Variants in ANKRD44 observed in about 807,000 individuals in gnomAD.
The protein encoded by ANKRD44 is serine/threonine-protein phosphatase 6 regulatory ankyrin repeat subunit B.
Under a neutral mutation model 116.0 loss-of-function variants are expected in ANKRD44, and 35 were observed. The observed-to-expected ratio is 0.30, with a 90% CI of 0.23 to 0.40. The LOEUF (loss-of-function observed/expected upper bound fraction) is 0.40. Among genes scored for constraint, ANKRD44 ranks in the 10% least tolerant of loss-of-function variants. The probability of loss-of-function intolerance (pLI) is 1.00; values close to 1 mark genes in which losing one functional copy is unlikely to be tolerated. For synonymous variants in ANKRD44, 435 were observed against 461.8 expected, an observed-to-expected ratio of 0.94 and a Z score of 0.74; for missense variants, 1,014 against 1,242.6, an observed-to-expected ratio of 0.82 and a Z score of 2.77.
intron 2 of ANKRD44, among the ~76,000 whole-genome samples, chr2:197,165,277 C>G (rs1485966608): frequency 6.6e-6 from 1 of 152,194 alleles, no homozygotes; most frequent in Non-Finnish European, 1.5e-5. Flanking sequence ...TAAACATGCT[C>G]TCTAACAGGT....
At chr2:197,165,160 A>G (rs1232514496) in intron 2 of ANKRD44, among the ~76,000 whole-genome samples, 1 of 152,206 alleles carries the variant, frequency 6.6e-6, no homozygotes, top group Non-Finnish European at 1.5e-5. Flanking sequence ...TTTCCTCAAC[A>G]CGCCCCTTCT....
At chr2:197,064,263 T>C (rs2077382683) in intron 16 of ANKRD44, among the ~76,000 whole-genome samples, 1 of 152,162 alleles carries the variant, frequency 6.6e-6, no homozygotes, top group Non-Finnish European at 1.5e-5. Context: ...AGAGATTTTG[T>C]CACCACCAGG....
chr2:196,972,074 C>A (rs1158493598), intron 21 of ANKRD44, among the ~76,000 whole-genome samples: 1 of 152,098 alleles, frequency 6.6e-6, no homozygotes, highest in African/African-American at 2.4e-5. Flanking sequence ...TGTATGACTA[C>A]ATGCAAGACT....
At chr2:197,186,028 T>G (rs1358491892) in intron 2 of ANKRD44, among the ~76,000 whole-genome samples, 1 of 152,252 alleles carries the variant, frequency 6.6e-6, no homozygotes, top group Non-Finnish European at 1.5e-5. Flanking sequence ...CCAACAAAAC[T>G]GTATTTATGA....
At chr2:197,031,189 A>G (rs1273490357) in intron 16 of ANKRD44, among the ~76,000 whole-genome samples, 1 of 151,496 alleles carries the variant, frequency 6.6e-6, no homozygotes, top group African/African-American at 2.4e-5. Flanking sequence ...ATAAAGCAGT[A>G]TTGACATGAC....
At chr2:197,176,432 G>T (rs996054578) in intron 2 of ANKRD44, among the ~76,000 whole-genome samples, 2 of 152,130 alleles carry the variant, frequency 1.3e-5, no homozygotes, top group Non-Finnish European at 2.9e-5. Context: ...GCCAGAGGAG[G>T]TTAATTGGCT....
chr2:196,967,798 G>A (rs1054474807), intron 21 of ANKRD44, among the ~76,000 whole-genome samples: 1 of 152,078 alleles, frequency 6.6e-6, no homozygotes, highest in African/African-American at 2.4e-5. Flanking sequence ...CTATCTTCTC[G>A]ATATAGTTTG....
chr2:197,247,803 C>T (rs551930385), intron 1 of ANKRD44, among the ~76,000 whole-genome samples: 17 of 152,298 alleles, frequency 1.1e-4, no homozygotes, highest in Non-Finnish European at 1.8e-4. Context: ...CTCTTCCCCA[C>T]ACATACAGAC....
At chr2:197,282,258 A>C (rs759369591) in intron 1 of ANKRD44, among the ~76,000 whole-genome samples, 3 of 151,696 alleles carry the variant, frequency 2.0e-5, no homozygotes, top group African/African-American at 7.3e-5. Flanking sequence ...GTCTCAAAAA[A>C]ATATATATAT....
At chr2:197,039,967 G>A (rs939132244) in intron 16 of ANKRD44, among the ~76,000 whole-genome samples, 2 of 150,808 alleles carry the variant, frequency 1.3e-5, no homozygotes, top group East Asian at 4.0e-4. Flanking sequence ...AGTGGCTCAT[G>A]CCTATAATCC....
rs201404803 is a variant in ANKRD44 at position 197,057,435 on chromosome 2, C to CT, written c.1650+21267dup. Among the ~76,000 whole-genome samples the CT allele has an allele frequency of 8.0e-4, 121 of 152,094 alleles. 4 individuals carry two copies. The East Asian group carries it at 0.02, about 25-fold the overall frequency. On this transcript the variant is annotated intron_variant, in intron 16 of 27. Transcript: ENST00000282272. ...GGAAGTTTTCAGTCTAAAATACATACTTTTTTTTGCTTCTACCTTGGGGAA... is the reference window on the plus strand; with the variant it reads ...GGAAGTTTTCAGTCTAAAATACATACTTTTTTTTTGCTTCTACCTTGGGGAA...
intron 15 of ANKRD44, 145 bp downstream of exon 15, chr2:197,081,500 T>C (rs1014451364): frequency 6.1e-5 from 43 of 703,652 alleles, no homozygotes; most frequent in Non-Finnish European, 1.1e-4. Context: ...AAGAATAGTT[T>C]CTTCCCCATT....
intron 1 of ANKRD44, among the ~76,000 whole-genome samples, chr2:197,205,331 T>C (rs2081181975): frequency 6.6e-6 from 1 of 151,868 alleles, no homozygotes. Flanking sequence ...ACCTGGCCAG[T>C]AAGGAAGGGA....
chr2:196,995,996 G>A (rs1483206326), intron 25 of ANKRD44, among the ~76,000 whole-genome samples: 1 of 152,208 alleles, frequency 6.6e-6, no homozygotes, highest in South Asian at 2.1e-4. Flanking sequence ...ATCAGTGGAA[G>A]ATATCTCTGT....
chr2:197,041,392 T>C (rs2076908741), intron 16 of ANKRD44, among the ~76,000 whole-genome samples: 1 of 152,154 alleles, frequency 6.6e-6, no homozygotes, highest in Non-Finnish European at 1.5e-5. Flanking sequence ...TAACACAGGC[T>C]CCCGCTTCCT....
In ANKRD44 at chr2:197,025,078, C is replaced by A. The variant is rs1190670558; in HGVS notation, c.1722+118G>T. 1.4e-5 allele frequency: 14 copies of A among 983,002 alleles called. No homozygotes were observed. In the East Asian group the frequency reaches 2.9e-4, roughly 21 times the overall value. The allele number at this position is 983,002 out of a possible 1,614,324, so 60.9% of individuals were successfully genotyped here. ...CACAGCCTGTGCCTTTTACCACGGA[C>A]TACTTTCACTACCACTCATCACTGT... On this transcript the variant is annotated intron_variant, in intron 17 of 27. Transcript: ENST00000282272.
At chr2:197,042,318 A>G (rs1302710134) in intron 16 of ANKRD44, among the ~76,000 whole-genome samples, 2 of 152,090 alleles carry the variant, frequency 1.3e-5, no homozygotes, top group African/African-American at 4.8e-5. Flanking sequence ...GAGCTTTTAG[A>G]CCATATCCCA....
At chr2:197,158,584 T>G (rs1429659733) in intron 2 of ANKRD44, among the ~76,000 whole-genome samples, 2 of 152,250 alleles carry the variant, frequency 1.3e-5, no homozygotes, top group African/African-American at 4.8e-5. Flanking sequence ...TTTTCACCAC[T>G]GTAAGGGGCT....
chr2:196,973,425 A>G (rs2075729728), intron 21 of ANKRD44, among the ~76,000 whole-genome samples: 1 of 152,122 alleles, frequency 6.6e-6, no homozygotes, highest in South Asian at 2.1e-4. Flanking sequence ...ACCATCCAAA[A>G]TTTCACATTT....
Sources: gnomAD v4.1 joint callset for allele counts (sites outside exome capture counted in the v4.1 genomes callset) on GRCh38, gnomAD v4.1.1 for gene constraint, MANE v1.5 for transcripts, NCBI Gene and HGNC (gene_info 2026-07-23, HGNC 2026-07-21) for gene names.